The following EXOC4 variants were observed in gnomAD, a reference collection of about 807,000 sequenced individuals.
The protein encoded by EXOC4 is SEC8-like 1.
A neutral mutation model predicts 107.2 loss-of-function variants in EXOC4; 71 were observed. The observed-to-expected ratio is 0.66, with a 90% CI of 0.55 to 0.81. The LOEUF (loss-of-function observed/expected upper bound fraction) is 0.81, where lower values mean the gene tolerates loss of function less well. Among genes scored for constraint, EXOC4 ranks in the 30% least tolerant of loss-of-function variants. The pLI is 0.00. For synonymous variants in EXOC4, 456 were observed against 441.2 expected (o/e 1.03, Z -0.42); for missense variants, 1,108 against 1,189.6 (o/e 0.93, Z 1.01).
the EXOC4 span, among the ~76,000 whole-genome samples, chr7:134,078,378 A>G: frequency 1.3e-5 from 2 of 151,876 alleles, no homozygotes; most frequent in Admixed American, 1.3e-4. Context: ...TATAATAATT[A>G]ACTGTTATTA....
chr7:133,435,235 C>T (rs1205024189), intron 7 of EXOC4, among the ~76,000 whole-genome samples: 2 of 152,120 alleles, frequency 1.3e-5, no homozygotes, highest in African/African-American at 4.8e-5. Context: ...GTCATCTTGT[C>T]ACATGTGAAG....
At chr7:133,563,334 T>A (rs1029309734) in intron 9 of EXOC4, among the ~76,000 whole-genome samples, 1 of 152,324 alleles carries the variant, frequency 6.6e-6, no homozygotes, top group Admixed American at 6.5e-5. Context: ...ATTGGGCAAA[T>A]GAGCTTCTGC....
At chr7:133,457,538 G>T (rs764388611) in intron 7 of EXOC4, among the ~76,000 whole-genome samples, 8 of 152,104 alleles carry the variant, frequency 5.3e-5, no homozygotes, top group Non-Finnish European at 7.4e-5. Flanking sequence ...TTCTCAATTA[G>T]GTTGCGTATC....
At chr7:133,662,063 A>C (rs1793707657) in intron 10 of EXOC4, among the ~76,000 whole-genome samples, 1 of 152,038 alleles carries the variant, frequency 6.6e-6, no homozygotes, top group Non-Finnish European at 1.5e-5. Context: ...TAAAACCCAC[A>C]TTTTACAGAT....
intron 13 of EXOC4, among the ~76,000 whole-genome samples, chr7:133,924,444 G>A (rs1800007466): frequency 6.6e-6 from 1 of 152,088 alleles, no homozygotes; most frequent in Admixed American, 6.6e-5. Context: ...TTCCAGAAAA[G>A]AGAATACTGA....
chr7:133,379,516 G>A (rs1182315194), intron 7 of EXOC4, among the ~76,000 whole-genome samples: 4 of 151,980 alleles, frequency 2.6e-5, no homozygotes, highest in Non-Finnish European at 1.5e-5. Context: ...GACATTTTTA[G>A]AATATATAAA....
intron 7 of EXOC4, among the ~76,000 whole-genome samples, chr7:133,395,160 A>G (rs1470093005): frequency 1.4e-5 from 2 of 147,990 alleles, no homozygotes; most frequent in Non-Finnish European, 3.0e-5. Context: ...TGAAAAATCC[A>G]TTTACTCGTG....
intron 10 of EXOC4, among the ~76,000 whole-genome samples, chr7:133,778,526 G>A (rs1030361641): frequency 2.6e-5 from 4 of 152,182 alleles, no homozygotes; most frequent in African/African-American, 9.6e-5. Flanking sequence ...GGAGGTTGCA[G>A]TGAGCCGTGA....
chr7:133,718,636 T>C (rs921654754), intron 10 of EXOC4, among the ~76,000 whole-genome samples: 1 of 152,188 alleles, frequency 6.6e-6, no homozygotes. Context: ...CTATGTAACC[T>C]GAGGCCCTTA....
intron 17 of EXOC4, among the ~76,000 whole-genome samples, chr7:134,061,963 A>G (rs1485715070): frequency 6.6e-6 from 1 of 152,158 alleles, no homozygotes; most frequent in Non-Finnish European, 1.5e-5. Flanking sequence ...AGATTTACTG[A>G]TCTGGCACTG....
chr7:133,319,649 C>T (rs1042315682), intron 5 of EXOC4, among the ~76,000 whole-genome samples: 1 of 152,022 alleles, frequency 6.6e-6, no homozygotes, highest in African/African-American at 2.4e-5. Flanking sequence ...ACCACCACAC[C>T]CAGCTAATTT....
chr7:133,672,625 G>T (rs996874865), intron 10 of EXOC4, among the ~76,000 whole-genome samples: 1 of 152,098 alleles, frequency 6.6e-6, no homozygotes, highest in Non-Finnish European at 1.5e-5. Context: ...TCTGAGGACT[G>T]AGACCTCCAG....
At chr7:133,681,470 C>G (rs776596285) in intron 10 of EXOC4, among the ~76,000 whole-genome samples, 8 of 152,046 alleles carry the variant, frequency 5.3e-5, no homozygotes, top group Non-Finnish European at 1.2e-4. Context: ...TACTTATTCA[C>G]ATAATAATTC....
At chr7:133,262,778 G>A (rs769692556) in intron 1 of EXOC4, among the ~76,000 whole-genome samples, 7 of 152,088 alleles carry the variant, frequency 4.6e-5, no homozygotes, top group Non-Finnish European at 1.0e-4. Flanking sequence ...GAAACCCCAG[G>A]CTTGAAATGT....
intron 7 of EXOC4, among the ~76,000 whole-genome samples, chr7:133,389,297 A>G (rs1019918593): frequency 6.6e-6 from 1 of 152,002 alleles, no homozygotes; most frequent in African/African-American, 2.4e-5. Context: ...TCGGCTGGGC[A>G]TGGTGGCTCA....
intron 17 of EXOC4, among the ~76,000 whole-genome samples, chr7:134,009,216 G>A (rs1794712969): frequency 6.6e-6 from 1 of 151,940 alleles, no homozygotes; most frequent in Non-Finnish European, 1.5e-5. Flanking sequence ...CAATGTTTCT[G>A]CCTGAGATTT....
chr7:133,768,745 A>G (rs1162478192), intron 10 of EXOC4, among the ~76,000 whole-genome samples: 1 of 151,970 alleles, frequency 6.6e-6, no homozygotes, highest in African/African-American at 2.4e-5. Context: ...GAGATTGACT[A>G]TCATGTATCA....
intron 1 of EXOC4, among the ~76,000 whole-genome samples, chr7:133,271,165 G>T (rs532160224): frequency 1.3e-5 from 2 of 151,944 alleles, no homozygotes; most frequent in Non-Finnish European, 2.9e-5. Flanking sequence ...TGATCTGCCC[G>T]CCCCGGCCTC....
chr7:133,794,902 A>C (rs1197615003), intron 10 of EXOC4, among the ~76,000 whole-genome samples: 3 of 151,846 alleles, frequency 2.0e-5, no homozygotes, highest in Non-Finnish European at 4.4e-5. Context: ...TTAACTCTTC[A>C]TTAAACATTA....
Sources: gnomAD v4.1 joint callset for allele counts (sites outside exome capture counted in the v4.1 genomes callset) on GRCh38, gnomAD v4.1.1 for gene constraint, MANE v1.5 for transcripts, NCBI Gene and HGNC (gene_info 2026-07-23, HGNC 2026-07-21) for gene names.